Variants in FBXW7 observed in about 807,000 individuals in gnomAD.
The protein encoded by FBXW7 is F-box/WD repeat-containing protein 7.
In FBXW7, 11 loss-of-function variants were observed where a neutral mutation model predicts 86.3. The observed-to-expected ratio is 0.13, with a 90% CI of 0.08 to 0.21. The LOEUF (loss-of-function observed/expected upper bound fraction) is 0.21, where lower values mean the gene tolerates loss of function less well. Ranked by LOEUF, FBXW7 falls within the 10% of genes least tolerant of loss-of-function variation. The pLI is 1.00. For missense variants in FBXW7, 488 were observed against 847.4 expected (o/e 0.58, Z 5.27); for synonymous variants, 313 against 297.9 (o/e 1.05, Z -0.52).
intron 2 of FBXW7, among the ~76,000 whole-genome samples, chr4:152,429,672 C>A (rs771333414): frequency 9.2e-5 from 14 of 152,156 alleles, no homozygotes; most frequent in Non-Finnish European, 1.8e-4. Context: ...GTGAATCTTA[C>A]TAACTATAAA....
At chr4:152,474,232 C>G (rs188572912) in intron 2 of FBXW7, among the ~76,000 whole-genome samples, 3 of 152,308 alleles carry the variant, frequency 2.0e-5, no homozygotes, top group African/African-American at 7.2e-5. Context: ...AAAAGATGCA[C>G]AATGAATTCA....
At chr4:152,484,799 T>C (rs1038300137) in intron 2 of FBXW7, among the ~76,000 whole-genome samples, 1 of 151,912 alleles carries the variant, frequency 6.6e-6, no homozygotes, top group Non-Finnish European at 1.5e-5. Flanking sequence ...CTGTCTCTAC[T>C]AAAAATACAA....
rs536886697 is a variant in FBXW7, at chr4:152,409,432, T to C, written c.501+1871A>G. Among the ~76,000 whole-genome samples the C allele has an allele frequency of 2.1e-4, 32 of 152,302 alleles. No individual in the cohort carries two copies. The East Asian group carries it at 3.5e-3, about 17-fold the overall frequency. On this transcript the variant is annotated intron_variant, in intron 4 of 13. Transcript: ENST00000281708. ...AGCTTCTATTTATTGTATTAAAACA[T>C]GTATACACGGAGAATACTGACATTT...
At chr4:152,445,354 A>G (rs1741274152) in intron 2 of FBXW7, among the ~76,000 whole-genome samples, 1 of 152,212 alleles carries the variant, frequency 6.6e-6, no homozygotes, top group South Asian at 2.1e-4. Context: ...CTTATCTGAA[A>G]TGCTTGGAAC....
chr4:152,467,000 T>C (rs559130009), intron 2 of FBXW7, among the ~76,000 whole-genome samples: 1 of 152,322 alleles, frequency 6.6e-6, no homozygotes, highest in South Asian at 2.1e-4. Flanking sequence ...TCAAAATCTA[T>C]TCCTTCTTCA....
At chr4:152,375,998 G>A (rs1734476955) in intron 4 of FBXW7, among the ~76,000 whole-genome samples, 1 of 151,978 alleles carries the variant, frequency 6.6e-6, no homozygotes, top group East Asian at 1.9e-4. Context: ...AATACCTACA[G>A]CCATGGGAAA....
At chr4:152,409,824 T>C (rs994375661) in intron 4 of FBXW7, among the ~76,000 whole-genome samples, 3 of 152,184 alleles carry the variant, frequency 2.0e-5, no homozygotes, top group East Asian at 1.9e-4. Flanking sequence ...ATTCCTTCTA[T>C]GGTTAGAGCC....
rs182568885 is a variant in FBXW7 at position 152,512,426 on chromosome 4, T to C, written c.-120+22515A>G. On this transcript the variant is annotated intron_variant, in intron 2 of 13. Coordinates refer to ENST00000281708, the MANE Select transcript of FBXW7 (RefSeq NM_001349798.2). ...AAACCACTGAAAGCTTTGATAAGAA[T>C]GGAGGACGATATTAAGAAATTAATG... Among the ~76,000 whole-genome samples, 599 of 152,278 alleles carry C rather than the reference T, an allele frequency of 3.9e-3. 20 individuals carry two copies. Among genetic ancestry groups the C allele is most frequent in the Non-Finnish European group, 7.2e-4 (49 of 68,018 alleles).
chr4:152,359,402 A>G (rs1732709397), intron 4 of FBXW7, among the ~76,000 whole-genome samples: 1 of 152,018 alleles, frequency 6.6e-6, no homozygotes, highest in South Asian at 2.1e-4. Context: ...CGAGTTCAAG[A>G]CCAGCCTGGG....
chr4:152,536,042 A>G lies in FBXW7; in HGVS notation c.-1128T>C, dbSNP rs1014405576. On this transcript the variant is annotated 5_prime_UTR_variant, in exon 1 of 14. Coordinates refer to ENST00000281708, the MANE Select transcript of FBXW7 (RefSeq NM_001349798.2). ...GCGGCAGCGGCAGCGCCCGGAGCTCAGCTCGCTGTCTCCCTCGCTCTGTGC... is the reference window on the plus strand; with the variant it reads ...GCGGCAGCGGCAGCGCCCGGAGCTCGGCTCGCTGTCTCCCTCGCTCTGTGC... 1.9e-5 allele frequency: 4 copies of G among 209,882 alleles called. No individual in the cohort carries two copies. Among genetic ancestry groups the G allele is most frequent in the Non-Finnish European group, 2.8e-5 (3 of 106,232 alleles). The allele number at this position is 209,882 out of a possible 1,614,324, so 13.0% of individuals were successfully genotyped here. A position where few individuals can be genotyped will look rare whatever the true frequency, so the allele number is the denominator to read the frequency against.
chr4:152,457,318 T>C (rs1350467211), intron 2 of FBXW7, among the ~76,000 whole-genome samples: 1 of 152,164 alleles, frequency 6.6e-6, no homozygotes, highest in Non-Finnish European at 1.5e-5. Context: ...AGTGCACATA[T>C]ACGTCAAAAC....
intron 2 of FBXW7, among the ~76,000 whole-genome samples, chr4:152,463,787 G>A (rs925528340): frequency 1.3e-5 from 2 of 152,140 alleles, no homozygotes; most frequent in Non-Finnish European, 2.9e-5. Flanking sequence ...TAATGAACAC[G>A]AGACCATCTC....
chr4:152,401,330 T>G (rs1484378248), intron 4 of FBXW7, among the ~76,000 whole-genome samples: 1 of 152,164 alleles, frequency 6.6e-6, no homozygotes, highest in Non-Finnish European at 1.5e-5. Context: ...CTGTGGTATA[T>G]CCAAACAATG....
intron 2 of FBXW7, among the ~76,000 whole-genome samples, chr4:152,508,138 T>C (rs567187155): frequency 4.5e-4 from 69 of 151,940 alleles, no homozygotes; most frequent in African/African-American, 8.9e-4. Context: ...AGGAACCTCC[T>C]TGAAGAGGCT....
chr4:152,519,952 A>G (rs1467872439), intron 2 of FBXW7, among the ~76,000 whole-genome samples: 1 of 152,254 alleles, frequency 6.6e-6, no homozygotes, highest in Non-Finnish European at 1.5e-5. Flanking sequence ...GCTATTTCAT[A>G]TGAACTGCTG....
intron 2 of FBXW7, among the ~76,000 whole-genome samples, chr4:152,520,295 C>T (rs941419499): frequency 4.8e-4 from 72 of 151,490 alleles, no homozygotes; most frequent in African/African-American, 1.5e-3. Flanking sequence ...TAGCCGGGCG[C>T]GGTGGCGGGC....
At chr4:152,388,652 C>A (rs1735749403) in intron 4 of FBXW7, among the ~76,000 whole-genome samples, 1 of 152,034 alleles carries the variant, frequency 6.6e-6, no homozygotes, top group Admixed American at 6.6e-5. Flanking sequence ...CATGGTACAC[C>A]AGAAACTCCA....
intron 2 of FBXW7, among the ~76,000 whole-genome samples, chr4:152,477,958 T>A (rs1744564553): frequency 6.6e-6 from 1 of 152,156 alleles, no homozygotes; most frequent in African/African-American, 2.4e-5. Context: ...ATGCATATAA[T>A]TTTTAATACA....
At chr4:152,460,720 G>A (rs1201677161) in intron 2 of FBXW7, among the ~76,000 whole-genome samples, 1 of 152,158 alleles carries the variant, frequency 6.6e-6, no homozygotes, top group African/African-American at 2.4e-5. Context: ...GACCACTTAT[G>A]TGCTAACATC....
Sources: allele counts gnomAD v4.1 joint callset (sites outside exome capture counted in the v4.1 genomes callset), GRCh38; gene constraint gnomAD v4.1.1; transcripts MANE v1.5; gene names NCBI Gene and HGNC (gene_info 2026-07-23, HGNC 2026-07-21).